Variants in CDH4 observed in about 807,000 individuals in gnomAD.
The protein encoded by CDH4 is cadherin-4.
In CDH4, 33 loss-of-function variants were observed where a neutral mutation model predicts 86.0. The observed-to-expected ratio is 0.38, with a 90% CI of 0.29 to 0.51. The LOEUF is 0.51. Among genes scored for constraint, CDH4 ranks in the 20% least tolerant of loss-of-function variants. The pLI is 0.86. For missense variants in CDH4, 1,114 were observed against 1,307.4 expected (o/e 0.85, Z 2.28); for synonymous variants, 555 against 549.4 (o/e 1.01, Z -0.14).
At chr20:61,784,686 A>G (rs375283608) in intron 4 of CDH4, among the ~76,000 whole-genome samples, 953 of 64,804 alleles carry the variant, frequency 0.015, 94 homozygotes, top group African/African-American at 0.072. Context: ...TGTGCCCCCA[A>G]GAGAAATGTA....
At chr20:61,665,747 A>G (rs935537891) in intron 2 of CDH4, among the ~76,000 whole-genome samples, 1 of 152,194 alleles carries the variant, frequency 6.6e-6, no homozygotes, top group South Asian at 2.1e-4. Context: ...GTCACCTAAC[A>G]TCGGATTTAT....
At chr20:61,779,093 C>T (rs992382227) in intron 4 of CDH4, among the ~76,000 whole-genome samples, 1 of 152,312 alleles carries the variant, frequency 6.6e-6, no homozygotes, top group South Asian at 2.1e-4. Context: ...CTAGCATACA[C>T]GTTAGGTTTG....
chr20:61,803,811 G>A (rs1979969254), intron 4 of CDH4, among the ~76,000 whole-genome samples: 2 of 152,250 alleles, frequency 1.3e-5, no homozygotes, highest in Admixed American at 6.5e-5. Context: ...CAGTGGCTCT[G>A]CAGCTTAGAA....
chr20:61,453,436 AC>A (rs1172979501), intron 2 of CDH4, among the ~76,000 whole-genome samples: 1 of 151,874 alleles, frequency 6.6e-6, no homozygotes, highest in African/African-American at 2.4e-5. Context: ...AAGTGACGGG[AC>A]CCCCCTGAGC....
chr20:61,527,116 A>C (rs1329996938), intron 2 of CDH4, among the ~76,000 whole-genome samples: 1 of 152,260 alleles, frequency 6.6e-6, no homozygotes, highest in African/African-American at 2.4e-5. Context: ...CATACAGAGA[A>C]AGTGAACAGA....
intron 6 of CDH4, among the ~76,000 whole-genome samples, chr20:61,866,430 C>T (rs1262063230): frequency 6.6e-6 from 1 of 152,150 alleles, no homozygotes; most frequent in Non-Finnish European, 1.5e-5. Flanking sequence ...GAGGCCTCCC[C>T]CTCCCCCCGG....
At chr20:61,595,309 C>T (rs1273607549) in intron 2 of CDH4, among the ~76,000 whole-genome samples, 1 of 152,258 alleles carries the variant, frequency 6.6e-6, no homozygotes, top group Non-Finnish European at 1.5e-5. Flanking sequence ...TGGGGCCTGC[C>T]CTACCTGAGT....
intron 2 of CDH4, chr20:61,570,488 C>A (rs566432179): frequency 1.9e-5 from 11 of 583,968 alleles, no homozygotes; most frequent in Admixed American, 1.4e-4. Context: ...GGGTCTCCCT[C>A]GCAGCCCCTG....
intron 2 of CDH4, among the ~76,000 whole-genome samples, chr20:61,532,941 G>A (rs890502257): frequency 2.8e-4 from 43 of 152,148 alleles, no homozygotes; most frequent in African/African-American, 9.4e-4. Context: ...GGTACGGGCC[G>A]GGGCTGGGCT....
At chr20:61,706,439 G>A (rs1230462645) in intron 2 of CDH4, among the ~76,000 whole-genome samples, 1 of 152,194 alleles carries the variant, frequency 6.6e-6, no homozygotes, top group Admixed American at 6.5e-5. Flanking sequence ...AATAACATGT[G>A]GGGCACGGTC....
At chr20:61,343,747 C>T (rs1057098813) in intron 2 of CDH4, among the ~76,000 whole-genome samples, 2 of 152,126 alleles carry the variant, frequency 1.3e-5, no homozygotes, top group Non-Finnish European at 2.9e-5. Context: ...TGTGACTTTG[C>T]TTTAGAGCAC....
intron 2 of CDH4, among the ~76,000 whole-genome samples, chr20:61,256,256 T>C (rs551482985): frequency 6.6e-6 from 1 of 152,196 alleles, no homozygotes; most frequent in Non-Finnish European, 1.5e-5. Context: ...CTGACTGCAG[T>C]CTGCTGTGTG....
chr20:61,770,530 C>T (rs1054864749), intron 3 of CDH4, among the ~76,000 whole-genome samples: 5 of 152,244 alleles, frequency 3.3e-5, no homozygotes, highest in East Asian at 1.9e-4. Flanking sequence ...GCCGCATATA[C>T]GCGTGACGTT....
At chr20:61,922,625 G>A (rs60099392) in intron 9 of CDH4, among the ~76,000 whole-genome samples, 2,098 of 152,316 alleles carry the variant, frequency 0.014, 51 homozygotes, top group African/African-American at 0.048. Context: ...TCTCGCTTAG[G>A]AGGTTGTAGA....
At chr20:61,380,370 T>C (rs998584178) in intron 2 of CDH4, among the ~76,000 whole-genome samples, 1 of 152,190 alleles carries the variant, frequency 6.6e-6, no homozygotes, top group African/African-American at 2.4e-5. Flanking sequence ...CATCCCCGTT[T>C]TACCCAGTTC....
chr20:61,576,280 G>T (rs2086381946), intron 2 of CDH4, among the ~76,000 whole-genome samples: 1 of 152,176 alleles, frequency 6.6e-6, no homozygotes, highest in African/African-American at 2.4e-5. Context: ...TCACCCACCA[G>T]CAGAGCCATT....
chr20:61,710,140 T>C (rs1415100651), intron 2 of CDH4, among the ~76,000 whole-genome samples: 1 of 152,128 alleles, frequency 6.6e-6, no homozygotes. Context: ...TGCATAGCCC[T>C]AGGCACTATC....
At chr20:61,546,800 C>T (rs1417901929) in intron 2 of CDH4, among the ~76,000 whole-genome samples, 2 of 152,118 alleles carry the variant, frequency 1.3e-5, no homozygotes, top group Non-Finnish European at 2.9e-5. Flanking sequence ...GGAGTGTAGG[C>T]AGGAACGGGT....
chr20:61,392,120 G>T lies in CDH4; in HGVS notation c.169+137183G>T, dbSNP rs2145467213. Among the ~76,000 whole-genome samples the T allele has an allele frequency of 6.6e-6, 1 of 152,080 alleles. No homozygotes were observed. The highest frequency in any genetic ancestry group is 2.1e-4 in the South Asian group (1 of 4,758). On this transcript the variant is annotated intron_variant, in intron 2 of 15. Coordinates refer to ENST00000614565, the MANE Select transcript of CDH4 (RefSeq NM_001794.5). The surrounding 1 kb of genome is among the most constrained non-coding windows in gnomAD (Gnocchi z 5.7). ...CCTAGAGAGCTTTGCAGGACCAAGT[G>T]GTGGTCGGGCAGCCCGTGCTGCAGG... is the stretch of plus-strand genomic sequence containing the variant.
Sources: allele counts gnomAD v4.1 joint callset (sites outside exome capture counted in the v4.1 genomes callset), GRCh38; gene constraint gnomAD v4.1.1; non-coding constraint Gnocchi (gnomAD v3.1); transcripts MANE v1.5; gene names NCBI Gene and HGNC (gene_info 2026-07-23, HGNC 2026-07-21).